EFCAB8: variants seen among roughly 807,000 people sequenced by gnomAD.
EFCAB8 encodes EF-hand calcium binding domain 8.
EFCAB8 carries 100 observed loss-of-function variants against 116.3 expected under a neutral mutation model. The ratio of observed to expected loss-of-function variants is 0.86; its 90% CI spans 0.73 to 1.02. The LOEUF (loss-of-function observed/expected upper bound fraction) is 1.02. Among genes scored for constraint, EFCAB8 ranks in the 50% least tolerant of loss-of-function variants. The pLI is 0.00. For missense variants in EFCAB8, 1,320 were observed against 1,416.9 expected (o/e 0.93, Z 1.10); for synonymous variants, 558 against 567.9 (o/e 0.98, Z 0.25).
intron 23 of EFCAB8, among the ~76,000 whole-genome samples, chr20:32,946,478 C>T (rs981132942): frequency 7.9e-5 from 12 of 152,130 alleles, no homozygotes; most frequent in African/African-American, 2.9e-4. Flanking sequence ...GGTCCATGTA[C>T]TGTTGTTCAG....
chr20:32,932,886 G>T (rs890398356), intron 22 of EFCAB8, among the ~76,000 whole-genome samples: 1 of 152,178 alleles, frequency 6.6e-6, no homozygotes, highest in African/African-American at 2.4e-5. Flanking sequence ...ATCTCTACAT[G>T]AGTATGTTAT....
chr20:32,875,502 G>GGTTTTTTTTTTTTTTTTTTTTT (rs1984916244), intron 3 of EFCAB8, among the ~76,000 whole-genome samples: 1 of 89,890 alleles, frequency 1.1e-5, no homozygotes, highest in African/African-American at 3.4e-5. Context: ...AAACATGGTG[G>GGTTTTTTTTTTTTTTTTTTTTT]TTTTTTTTTT....
intron 23 of EFCAB8, among the ~76,000 whole-genome samples, chr20:32,947,514 A>G (rs931186833): frequency 8.5e-5 from 13 of 152,220 alleles, no homozygotes; most frequent in Non-Finnish European, 1.5e-4. Flanking sequence ...TCTGATCCCA[A>G]TGAAACTGAA....
intron 22 of EFCAB8, among the ~76,000 whole-genome samples, chr20:32,939,196 T>A (rs866324944): frequency 4.1e-5 from 3 of 72,812 alleles, no homozygotes; most frequent in African/African-American, 1.1e-4. Context: ...TCTTTCTTTC[T>A]TTCTTTCCTC....
rs1402671623 is a variant in EFCAB8 at position 32,874,165 on chromosome 20, C to T, written c.209-1761C>T. ...CAAACTCCTGGGCTCAAGCCTTCTG[C>T]CCACCTCAGCCTCCCAAAGTACTGG... On this transcript the variant is annotated intron_variant, in intron 3 of 26. Coordinates refer to ENST00000400522, the MANE Select transcript of EFCAB8 (RefSeq NM_001143967.2). 2.5e-3 allele frequency among the ~76,000 whole-genome samples: 373 copies of T among 151,970 alleles called. 2 individuals carry two copies. Among genetic ancestry groups the T allele is most frequent in the African/African-American group, 8.7e-3 (358 of 41,260 alleles).
At position 32,917,371 on chromosome 20, in the gene EFCAB8, A is replaced by G. The variant is rs1987237967; in HGVS notation, c.1927A>G (p.Met643Val). The G allele has an allele frequency of 6.4e-7, 1 of 1,551,794 alleles. No individual in the cohort carries two copies. Among genetic ancestry groups the G allele is most frequent in the East Asian group, 2.4e-5 (1 of 40,916 alleles). The change falls in exon 18 of 27, where the codon ATG (methionine) becomes GTG (valine). Residue 643 changes from methionine to valine, a missense_variant. By Grantham distance (21) the Met-to-Val change is conservative. Coordinates refer to ENST00000400522, the MANE Select transcript of EFCAB8 (RefSeq NM_001143967.2). ...CTACCACACGGAGGACATCCTGAGC[A>G]TGGCCAAGTACCGGAACCAGTTCCT... is the stretch of plus-strand genomic sequence containing the variant. Reference protein sequence around the residue: ...QTYHTEDILSMAKYRNQFLGT... With the variant: ...QTYHTEDILSVAKYRNQFLGT...
chr20:32,918,337 AG>A (rs775595503), intron 18 of EFCAB8, 24 bp from the exon 19 acceptor site: 7 of 1,550,746 alleles, frequency 4.5e-6, no homozygotes, highest in Middle Eastern at 1.7e-4. Flanking sequence ...GCAGTGCCTT[AG>A]GGGCTGCTTT....
rs748020706 is a variant in EFCAB8 at position 32,960,074 on chromosome 20, C to T, written c.3306C>T (p.Val1102=). The T allele has an allele frequency of 6.4e-6, 10 of 1,551,704 alleles. No homozygotes were observed. In the South Asian group the frequency reaches 1.2e-4, roughly 18 times the overall value. ...WESRDKQVSK[V]LGAAYKPKER... ...CGTGGCTCCTGCAGGTGAGCAAAGT[C>T]TTGGGAGCGGCGTATAAGCCCAAGG... Residue 1102 remains valine, a synonymous_variant, in exon 26 of 27, where the codon GTC becomes GTT. Coordinates refer to ENST00000400522, the MANE Select transcript of EFCAB8 (RefSeq NM_001143967.2).
In EFCAB8 at chr20:32,920,221, C is replaced by T. The variant is rs1270419194; in HGVS notation, c.2412+6C>T. 1 of 1,551,358 alleles carries T rather than the reference C, an allele frequency of 6.4e-7. No individual in the cohort carries two copies. Among genetic ancestry groups the T allele is most frequent in the South Asian group, 1.2e-5 (1 of 84,014 alleles). ...CCAGTGCCTCGGTGGAGAAGGTTGGCCGTGATCAGCCAGGGAGAGGGATAT... is the reference window on the plus strand; with the variant it reads ...CCAGTGCCTCGGTGGAGAAGGTTGGTCGTGATCAGCCAGGGAGAGGGATAT... On this transcript the variant is annotated splice_donor_region_variant and intron_variant, in intron 20 of 26. Coordinates refer to ENST00000400522, the MANE Select transcript of EFCAB8 (RefSeq NM_001143967.2).
intron 12 of EFCAB8, 70 bp from the exon 13 acceptor site, chr20:32,906,773 A>T: frequency 1.2e-6 from 1 of 802,556 alleles, no homozygotes; most frequent in Non-Finnish European, 2.2e-6. Flanking sequence ...ACTTCTGGGC[A>T]CCACCTTCAC....
intron 17 of EFCAB8, among the ~76,000 whole-genome samples, chr20:32,913,295 A>G (rs1457459773): frequency 1.3e-5 from 2 of 152,172 alleles, no homozygotes. Context: ...ATTCATAGAC[A>G]GCTGTCTTCT....
In EFCAB8 at chr20:32,896,602, A is replaced by T. The variant is rs1986172300; in HGVS notation, c.957+75A>T. ...ACACACCACTCAAAATAAATGCAAA[A>T]AGTGGATTTACTCCCTGGGTTCAGT... On this transcript the variant is annotated intron_variant, in intron 10 of 26. Coordinates refer to ENST00000400522, the MANE Select transcript of EFCAB8 (RefSeq NM_001143967.2). 4.3e-6 allele frequency: 3 copies of T among 703,606 alleles called. No homozygotes were observed. In the South Asian group the frequency reaches 4.6e-5, roughly 11 times the overall value. The allele number at this position is 703,606 out of a possible 1,614,324, so 43.6% of individuals were successfully genotyped here. A position where few individuals can be genotyped will look rare whatever the true frequency, so the allele number is the denominator to read the frequency against.
At chr20:32,900,128 G>A (rs1238018401) in intron 11 of EFCAB8, among the ~76,000 whole-genome samples, 4 of 152,144 alleles carry the variant, frequency 2.6e-5, no homozygotes, top group Admixed American at 1.3e-4. Context: ...ACTGGGTGAG[G>A]CCAGGGTGGG....
rs916643604 is a variant in EFCAB8, at chr20:32,940,540, C to A, written c.2791-3096C>A. 2.4e-4 allele frequency among the ~76,000 whole-genome samples: 35 copies of A among 148,852 alleles called. 6 individuals are homozygous for A. The highest frequency in any genetic ancestry group is 8.5e-4 in the African/African-American group (34 of 39,966). On this transcript the variant is annotated intron_variant, in intron 22 of 26. Transcript: ENST00000400522. ...AGACAGTGTGTCTTAGATATGACACCAAAAACAAGCTACAAAAGAAAAAAA... is the reference window on the plus strand; with the variant it reads ...AGACAGTGTGTCTTAGATATGACACAAAAAACAAGCTACAAAAGAAAAAAA...
At chr20:32,910,258 G>T (rs952280472) in intron 15 of EFCAB8, among the ~76,000 whole-genome samples, 1 of 152,174 alleles carries the variant, frequency 6.6e-6, no homozygotes, top group Non-Finnish European at 1.5e-5. Context: ...TAGTTGTGGG[G>T]CGCTTTCCTA....
intron 20 of EFCAB8, among the ~76,000 whole-genome samples, chr20:32,926,965 A>C (rs1293970954): frequency 6.6e-6 from 1 of 151,676 alleles, no homozygotes; most frequent in Non-Finnish European, 1.5e-5. Flanking sequence ...ATGCCGCAAT[A>C]AACATACGTG....
intron 3 of EFCAB8, among the ~76,000 whole-genome samples, chr20:32,868,431 A>T (rs1265338529): frequency 6.6e-6 from 1 of 152,162 alleles, no homozygotes. Context: ...TTGCAAGCAT[A>T]TTGGAGGCTA....
rs1425844318 is a variant in EFCAB8, at chr20:32,938,869, A to G, written c.2791-4767A>G. Among the ~76,000 whole-genome samples the G allele has an allele frequency of 2.0e-5, 3 of 149,678 alleles. 1 individual carries two copies. Among genetic ancestry groups the G allele is most frequent in the African/African-American group, 7.4e-5 (3 of 40,294 alleles). ...TCCCCAAATTGATTTAATGCAATTT[A>G]TATCAAAATCCCAGCTGCTTTCTCT... On this transcript the variant is annotated intron_variant, in intron 22 of 26. Coordinates refer to ENST00000400522, the MANE Select transcript of EFCAB8 (RefSeq NM_001143967.2).
chr20:32,866,892 TTC>T (rs1196994910), intron 2 of EFCAB8, among the ~76,000 whole-genome samples: 1 of 150,288 alleles, frequency 6.7e-6, no homozygotes, highest in Non-Finnish European at 1.5e-5. Context: ...CTTCCTTTCT[TTC>T]TCTCTCTCTC....
Sources: gnomAD v4.1 joint callset for allele counts (sites outside exome capture counted in the v4.1 genomes callset) on GRCh38, gnomAD v4.1.1 for gene constraint, MANE v1.5 for transcripts, NCBI Gene and HGNC (gene_info 2026-07-23, HGNC 2026-07-21) for gene names.